The following FHOD1 variants were observed in gnomAD, a reference collection of about 807,000 sequenced individuals.
The protein encoded by FHOD1 is formin homology 2 domain containing 1.
A neutral mutation model predicts 111.6 loss-of-function variants in FHOD1; 89 were observed. That is an observed-to-expected ratio of 0.80 (90% confidence interval 0.67 to 0.95). FHOD1 has a LOEUF of 0.95. FHOD1 is among the 40% of genes least tolerant of loss of function. The pLI is 0.00. For synonymous variants in FHOD1, 618 were observed against 639.0 expected (o/e 0.97, Z 0.50); for missense variants, 1,446 against 1,554.2 (o/e 0.93, Z 1.17).
intron 10 of FHOD1, 28 bp downstream of exon 10, chr16:67,236,938 T>C (rs2034505143): frequency 3.2e-6 from 5 of 1,551,102 alleles, no homozygotes; most frequent in Non-Finnish European, 4.3e-6. Context: ...AGATCCACCC[T>C]TTCCCATCTA....
chr16:67,237,814 T>C lies in FHOD1; in HGVS notation c.643-46A>G. ...ATATGAGTGGGGCTTAGGCCAGACCTGTGCCAGCTGTTGCTGGGGAAGGGG... is the reference window on the plus strand; with the variant it reads ...ATATGAGTGGGGCTTAGGCCAGACCCGTGCCAGCTGTTGCTGGGGAAGGGG... On this transcript the variant is annotated intron_variant, in intron 6 of 21. Transcript: ENST00000258201. This position sits in a 1 kb window ranked among gnomAD's most constrained non-coding sequence, Gnocchi z 5.6. 6 of 1,546,296 alleles carry C rather than the reference T, an allele frequency of 3.9e-6. No individual in the cohort carries two copies. In the South Asian group the frequency reaches 5.6e-5, roughly 14 times the overall value.
intron 1 of FHOD1, among the ~76,000 whole-genome samples, chr16:67,246,550 C>G (rs1360494022): frequency 6.6e-6 from 1 of 151,724 alleles, no homozygotes; most frequent in Non-Finnish European, 1.5e-5. Flanking sequence ...CTTTCAGGCG[C>G]GGGCCGATGG....
At position 67,231,451 on chromosome 16, in the gene FHOD1, G is replaced by A. The variant is rs768452969; in HGVS notation, c.2484C>T (p.Gly828=). Residue 828 remains glycine, a synonymous_variant, in exon 16 of 22, where the codon GGC becomes GGT. Transcript: ENST00000258201. The surrounding 1 kb of genome is among the most constrained non-coding windows in gnomAD (Gnocchi z 4.3). ...RCILATLLAV[G]NFLNGSQSSG... Reference sequence around the variant, plus strand: ...TCACCTGGGAGCCATTGAGGAAGTTGCCCACCGCTAGGAGGGTAGCCAGGA... The same window carrying A: ...TCACCTGGGAGCCATTGAGGAAGTTACCCACCGCTAGGAGGGTAGCCAGGA... The A allele has an allele frequency of 3.1e-6, 5 of 1,614,020 alleles. No individual in the cohort carries two copies. In the East Asian group the frequency reaches 1.1e-4, roughly 36 times the overall value.
chr16:67,231,199 G>A lies in FHOD1; in HGVS notation c.2656C>T (p.Arg886Cys), dbSNP rs139818136. Residue 886 changes from arginine (R) to cysteine (C), a missense_variant, in exon 17 of 22, where the codon CGC (arginine) becomes TGC (cysteine). Arg to Cys is a radical substitution (Grantham distance 180, BLOSUM62 -3). Around this residue, in one of 3 missense-constraint regions of FHOD1, gnomAD observed 1,085 missense variants for 1,108.8 expected, o/e 0.98. Coordinates refer to ENST00000258201, the MANE Select transcript of FHOD1 (RefSeq NM_013241.3). This position sits in a 1 kb window ranked among gnomAD's most constrained non-coding sequence, Gnocchi z 4.3. ...DLYSEIPALT[R>C]CAKVDFEQLT... ...TGGCAGGTGCTAACCTTGGCACAGC[G>A]GGTCAGGGCAGGGATTTCTGAATAG... 1.8e-5 allele frequency: 29 copies of A among 1,614,004 alleles called. No individual in the cohort carries two copies. The African/African-American group carries it at 2.3e-4, about 13-fold the overall frequency.
Position 67,237,112 on chromosome 16 carries a change from G to T in FHOD1, c.996C>A (p.Asn332Lys). Reference sequence around the variant, plus strand: ...TGTCTCCATCCTCCAATTTCAGGGCGTTCTAGCAGAGGCGGACCAGGATGT... The same window carrying T: ...TGTCTCCATCCTCCAATTTCAGGGCTTTCTAGCAGAGGCGGACCAGGATGT... ...DLRTQLVLYE[N>K]ALKLEDGDIE... Residue 332 changes from asparagine (N) to lysine (K), a missense_variant and splice_region_variant, in exon 10 of 22, where the codon AAC (asparagine) becomes AAA (lysine). Asn to Lys is a moderately conservative substitution (Grantham distance 94). Transcript: ENST00000258201. The surrounding 1 kb of genome is among the most constrained non-coding windows in gnomAD (Gnocchi z 5.6). 6.2e-7 allele frequency: 1 copy of T among 1,609,254 alleles called. No homozygotes were observed. Among genetic ancestry groups the T allele is most frequent in the South Asian group, 1.1e-5 (1 of 90,626 alleles).
intron 1 of FHOD1, chr16:67,246,951 A>G (rs2034868463): frequency 2.1e-6 from 1 of 484,106 alleles, no homozygotes; most frequent in African/African-American, 2.0e-5. Context: ...GTGGAACTCG[A>G]GCACCTCCCC....
chr16:67,236,790 C>T (rs1385653607), intron 10 of FHOD1, 57 bp from the exon 11 acceptor site: 16 of 643,900 alleles, frequency 2.5e-5, no homozygotes, highest in Non-Finnish European at 2.9e-5. Flanking sequence ...CGGGGCCTGT[C>T]AGTGGGGTGG....
rs1182723892 is a variant in FHOD1, at chr16:67,238,160, G to C, written c.548-32C>G. 4 of 1,613,620 alleles carry C rather than the reference G, an allele frequency of 2.5e-6. No individual in the cohort carries two copies. The highest frequency in any genetic ancestry group is 3.3e-5 in the Admixed American group (2 of 60,004). Reference sequence around the variant, plus strand: ...AAACAGGGATGGGCAGAGTCAGCGAGGGTCGCTGGAGCAGAGGTCATGGGA... The same window carrying C: ...AAACAGGGATGGGCAGAGTCAGCGACGGTCGCTGGAGCAGAGGTCATGGGA... On this transcript the variant is annotated intron_variant, in intron 5 of 21. Transcript: ENST00000258201. This position sits in a 1 kb window ranked among gnomAD's most constrained non-coding sequence, Gnocchi z 4.2.
Position 67,231,471 on chromosome 16 carries a change from C to T in FHOD1, c.2464G>A (p.Ala822Thr). 6.2e-7 allele frequency: 1 copy of T among 1,614,146 alleles called. No individual in the cohort carries two copies. Among genetic ancestry groups the T allele is most frequent in the Non-Finnish European group, 8.5e-7 (1 of 1,180,020 alleles). The change falls in exon 16 of 22, where the codon GCT (alanine) becomes ACT (threonine). Residue 822 changes from alanine to threonine, a missense_variant. Physicochemically the swap from Ala to Thr is moderately conservative, Grantham distance 58. Coordinates refer to ENST00000258201, the MANE Select transcript of FHOD1 (RefSeq NM_013241.3). This position sits in a 1 kb window ranked among gnomAD's most constrained non-coding sequence, Gnocchi z 4.3. Reference protein sequence around the residue: ...VQNATFRCILATLLAVGNFLN... With the variant: ...VQNATFRCILTTLLAVGNFLN... ...AAGTTGCCCACCGCTAGGAGGGTAG[C>T]CAGGATGCAGCGGAAGGTGGCATTC...
intron 13 of FHOD1, 44 bp downstream of exon 13, chr16:67,233,613 C>G (rs767475705): frequency 6.5e-7 from 1 of 1,534,982 alleles, no homozygotes; most frequent in Non-Finnish European, 8.8e-7. Context: ...GCTCTGATTC[C>G]CTCCTGCCTC....
intron 1 of FHOD1, among the ~76,000 whole-genome samples, chr16:67,244,093 TAGGG>T (rs1260421183): frequency 6.6e-6 from 1 of 152,126 alleles, no homozygotes; most frequent in African/African-American, 2.4e-5. Context: ...TAGCCACAGC[TAGGG>T]AAACAAAGTT....
chr16:67,238,575 C>G lies in FHOD1; in HGVS notation c.374-128G>C. 3.3e-6 allele frequency: 3 copies of G among 897,496 alleles called. No homozygotes were observed. Among genetic ancestry groups the G allele is most frequent in the Non-Finnish European group, 5.3e-6 (3 of 561,506 alleles). The allele number at this position is 897,496 out of a possible 1,614,324, so 55.6% of individuals were successfully genotyped here. Reference sequence around the variant, plus strand: ...TGTTTTGGTCTGAGAGACAGGGTCTCACTCTGTCACTCAGGCTGGAGTGTG... The same window carrying G: ...TGTTTTGGTCTGAGAGACAGGGTCTGACTCTGTCACTCAGGCTGGAGTGTG... On this transcript the variant is annotated intron_variant, in intron 3 of 21. Transcript: ENST00000258201. The surrounding 1 kb of genome is among the most constrained non-coding windows in gnomAD (Gnocchi z 4.2).
chr16:67,231,123 C>A lies in FHOD1; in HGVS notation c.2667+65G>T. ...CCCAAATGGGGAGAAGGGGGAGGAG[C>A]CAGGCCCAGGAAGCAGCGCTCCTCA... On this transcript the variant is annotated intron_variant, in intron 17 of 21. Transcript: ENST00000258201. This position sits in a 1 kb window ranked among gnomAD's most constrained non-coding sequence, Gnocchi z 4.3. 1 of 1,582,872 alleles carries A rather than the reference C, an allele frequency of 6.3e-7. No homozygotes were observed. The highest frequency in any genetic ancestry group is 8.6e-7 in the Non-Finnish European group (1 of 1,161,254).
chr16:67,235,646 C>A (rs1323893701), intron 11 of FHOD1, among the ~76,000 whole-genome samples: 1 of 152,102 alleles, frequency 6.6e-6, no homozygotes, highest in African/African-American at 2.4e-5. Flanking sequence ...TCTGTCAGCT[C>A]TCAGTCCCTG....
Position 67,229,809 on chromosome 16 carries a change from G to A in FHOD1, c.3396C>T (p.Arg1132=), listed in dbSNP as rs745762059. The change falls in exon 21 of 22, where the codon CGC becomes CGT. Residue 1132 remains arginine, a synonymous_variant. Coordinates refer to ENST00000258201, the MANE Select transcript of FHOD1 (RefSeq NM_013241.3). The part of the protein sequence containing the change: ...ALAARERKRS[R]GNRKSLRRTL... ...GTTACTTACAAGACTTGCGGTTGCC[G>A]CGGGAACGCTTGCGTTCCCTAGCAG... 4.2e-5 allele frequency: 68 copies of A among 1,614,072 alleles called. No homozygotes were observed. Among genetic ancestry groups the A allele is most frequent in the African/African-American group, 9.3e-5 (7 of 74,930 alleles).
At chr16:67,246,130 T>G (rs898913144) in intron 1 of FHOD1, among the ~76,000 whole-genome samples, 4 of 152,154 alleles carry the variant, frequency 2.6e-5, no homozygotes, top group Non-Finnish European at 5.9e-5. Flanking sequence ...CCGCCAGCGC[T>G]CAGAGGCGGG....
At position 67,238,811 on chromosome 16, in the gene FHOD1, A is replaced by G. The variant is rs1263802904; in HGVS notation, c.373+92T>C. The G allele has an allele frequency of 2.4e-6, 3 of 1,240,652 alleles. No homozygotes were observed. The highest frequency in any genetic ancestry group is 3.7e-4 in the Middle Eastern group (2 of 5,340). The allele number at this position is 1,240,652 out of a possible 1,614,324, so 76.9% of individuals were successfully genotyped here. A position where few individuals can be genotyped will look rare whatever the true frequency, so the allele number is the denominator to read the frequency against. ...GGAAGGAGCACATACAGCTAAACCTACTTTGCTCACTGTTCAGCACAGGCC... is the reference window on the plus strand; with the variant it reads ...GGAAGGAGCACATACAGCTAAACCTGCTTTGCTCACTGTTCAGCACAGGCC... On this transcript the variant is annotated intron_variant, in intron 3 of 21. Transcript: ENST00000258201. The surrounding 1 kb of genome is among the most constrained non-coding windows in gnomAD (Gnocchi z 4.2).
At position 67,236,968 on chromosome 16, in the gene FHOD1, A is replaced by C; in HGVS notation, c.1140T>G (p.Pro380=). ...GGGCPARAPE[P]GPTGPASPVG... ...CATCTACAGATGCTCGTACTTACCC[A>C]GGTTCCGGGGCACGCGCGGGGCAGC... Residue 380 remains proline, a splice_region_variant and synonymous_variant, in exon 10 of 22, where the codon CCT becomes CCG. Coordinates refer to ENST00000258201, the MANE Select transcript of FHOD1 (RefSeq NM_013241.3). 1 of 1,582,862 alleles carries C rather than the reference A, an allele frequency of 6.3e-7. No homozygotes were observed. Among genetic ancestry groups the C allele is most frequent in the Non-Finnish European group, 8.6e-7 (1 of 1,166,178 alleles).
At position 67,231,882 on chromosome 16, in the gene FHOD1, G is replaced by T. The variant is rs1477159196; in HGVS notation, c.2203-63C>A. On this transcript the variant is annotated intron_variant, in intron 14 of 21. Transcript: ENST00000258201. This position sits in a 1 kb window ranked among gnomAD's most constrained non-coding sequence, Gnocchi z 4.3. ...TGCAGGCCTGAGGCCTGAGGCATTG[G>T]TCTTGACCCCTCAGTCATCTAGGGG... is the stretch of plus-strand genomic sequence containing the variant. 8 of 1,566,782 alleles carry T rather than the reference G, an allele frequency of 5.1e-6. No homozygotes were observed. Among genetic ancestry groups the T allele is most frequent in the Non-Finnish European group, 6.9e-6 (8 of 1,153,498 alleles).
Sources: gnomAD v4.1 joint callset for allele counts (sites outside exome capture counted in the v4.1 genomes callset) on GRCh38, gnomAD v4.1.1 for gene constraint, gnomAD v4.1.1 regional missense constraint, Gnocchi (gnomAD v3.1) non-coding constraint, MANE v1.5 for transcripts, NCBI Gene and HGNC (gene_info 2026-07-23, HGNC 2026-07-21) for gene names.